PXT1: variants seen among roughly 807,000 people sequenced by gnomAD.
PXT1 encodes the protein peroxisomal testis enriched protein 1, also known as peroxisomal testis-specific protein 1.
Under a neutral mutation model 11.0 loss-of-function variants are expected in PXT1, and 11 were observed. The observed-to-expected ratio is 1.00, with a 90% CI of 0.63 to 1.66. The LOEUF (loss-of-function observed/expected upper bound fraction) is 1.66, where lower values mean the gene tolerates loss of function less well. Ranked by LOEUF, PXT1 falls within the 40% of genes most tolerant of loss-of-function variation. PXT1 has a pLI of 0.00. For missense variants in PXT1, 141 were observed against 155.5 expected (o/e 0.91, Z 0.49); for synonymous variants, 43 against 51.4 (o/e 0.84, Z 0.70).
At chr6:36,408,972 C>T (rs1403870851) in intron 3 of PXT1, among the ~76,000 whole-genome samples, 1 of 152,158 alleles carries the variant, frequency 6.6e-6, no homozygotes, top group Non-Finnish European at 1.5e-5. Context: ...GTAAGGACCT[C>T]CCATCACCTG....
In PXT1 at chr6:36,391,744, T is replaced by C. The variant is rs1349919311; in HGVS notation, c.*26A>G. 1 of 1,467,110 alleles carries C rather than the reference T, an allele frequency of 6.8e-7. No homozygotes were observed. The highest frequency in any genetic ancestry group is 1.7e-5 in the Admixed American group (1 of 59,488). The allele number at this position is 1,467,110 out of a possible 1,614,324, so 90.9% of individuals were successfully genotyped here. A position where few individuals can be genotyped will look rare whatever the true frequency, so the allele number is the denominator to read the frequency against. Reference sequence around the variant, plus strand: ...TCAGAGGGTAAAAAGAAAACAGAACTTGACCACTTGACCTTTACTTTCCTT... The same window carrying C: ...TCAGAGGGTAAAAAGAAAACAGAACCTGACCACTTGACCTTTACTTTCCTT... On this transcript the variant is annotated 3_prime_UTR_variant, in exon 5 of 5. Coordinates refer to ENST00000454782, the MANE Select transcript of PXT1 (RefSeq NM_152990.4).
rs1774894526 is a variant in PXT1 at position 36,442,611 on chromosome 6, G to A, written c.-206C>T. ...TTGGCCAGAATGTATATCCAGGGTA[G>A]TGACTTTCGAGCAAATGCGTTTAAG... On this transcript the variant is annotated 5_prime_UTR_variant, in exon 1 of 5. Coordinates refer to ENST00000454782, the MANE Select transcript of PXT1 (RefSeq NM_152990.4). 1 of 152,172 alleles carries A rather than the reference G, an allele frequency of 6.6e-6. No homozygotes were observed. Among genetic ancestry groups the A allele is most frequent in the Non-Finnish European group, 1.5e-5 (1 of 68,034 alleles). 9.4% of individuals were successfully genotyped at this position (152,172 alleles called of 1,614,324 possible).
rs1435470437 is a variant in PXT1, at chr6:36,398,392, A to G, written c.300+2062T>C. ...ATTCCTAGGTATGTACCCCAAAAAA[A>G]TAAAAACATGTCTACACAAAAAGTT... is the stretch of plus-strand genomic sequence containing the variant. On this transcript the variant is annotated intron_variant, in intron 4 of 4. Coordinates refer to ENST00000454782, the MANE Select transcript of PXT1 (RefSeq NM_152990.4). Among the ~76,000 whole-genome samples, 3 of 152,208 alleles carry G rather than the reference A, an allele frequency of 2.0e-5. No individual in the cohort carries two copies. In the East Asian group the frequency reaches 5.8e-4, roughly 29 times the overall value.
At chr6:36,421,700 G>A (rs940594866) in intron 3 of PXT1, among the ~76,000 whole-genome samples, 4 of 152,094 alleles carry the variant, frequency 2.6e-5, no homozygotes, top group African/African-American at 9.7e-5. Context: ...AAACTCCTGG[G>A]CTCAAGCAAT....
chr6:36,402,251 G>A (rs989115671), intron 3 of PXT1, among the ~76,000 whole-genome samples: 2 of 152,190 alleles, frequency 1.3e-5, no homozygotes, highest in Admixed American at 6.5e-5. Context: ...AAAGAATACA[G>A]ACAAGGTTTC....
intron 3 of PXT1, among the ~76,000 whole-genome samples, chr6:36,414,034 C>T (rs1189453112): frequency 1.3e-5 from 2 of 152,074 alleles, no homozygotes; most frequent in African/African-American, 4.8e-5. Context: ...AATATGGGAG[C>T]GTTTAATGAA....
In PXT1 at chr6:36,400,517, AATT is replaced by A. The variant is rs747990771; in HGVS notation, c.234_236del (p.Ile79del). 4.3e-6 allele frequency: 7 copies of A among 1,613,846 alleles called. No individual in the cohort carries two copies. The highest frequency in any genetic ancestry group is 5.9e-6 in the Non-Finnish European group (7 of 1,179,916). ...GTCTCAGCTGCATGGCCAACTTGTG[AATT>A]ATTTCCTCCTGGTGATGCTTCTGAA... On this transcript the variant is annotated inframe_deletion, in exon 4 of 5. Coordinates refer to ENST00000454782, the MANE Select transcript of PXT1 (RefSeq NM_152990.4).
chr6:36,400,673 A>C (rs1458502399), intron 3 of PXT1, 89 bp from the exon 4 acceptor site: 2 of 1,388,610 alleles, frequency 1.4e-6, no homozygotes, highest in Non-Finnish European at 1.9e-6. Context: ...ACTGTCTTAG[A>C]AAATGAGAGG....
intron 2 of PXT1, among the ~76,000 whole-genome samples, chr6:36,429,431 C>A (rs918916629): frequency 2.1e-5 from 3 of 146,248 alleles, no homozygotes; most frequent in African/African-American, 7.6e-5. Context: ...TTAATAATTA[C>A]TGGTTTATGT....
chr6:36,410,338 T>C (rs1300343442), intron 3 of PXT1, among the ~76,000 whole-genome samples: 2 of 151,650 alleles, frequency 1.3e-5, no homozygotes, highest in Admixed American at 6.6e-5. Flanking sequence ...TAATCTCAGC[T>C]ACTTGGGAGG....
intron 3 of PXT1, among the ~76,000 whole-genome samples, chr6:36,409,863 A>AAGGAAGGAAGGAAG (rs70975155): frequency 6.9e-6 from 1 of 145,712 alleles, no homozygotes; most frequent in Non-Finnish European, 1.5e-5. Context: ...GGAAGGAAGG[A>AAGGAAGGAAGGAAG]GAAAGAAAAG....
intron 4 of PXT1, among the ~76,000 whole-genome samples, chr6:36,399,608 G>A (rs1340049190): frequency 1.3e-5 from 2 of 152,186 alleles, no homozygotes; most frequent in East Asian, 3.8e-4. Flanking sequence ...CAGCATGGTG[G>A]AAGCTGCACC....
At chr6:36,432,154 A>G (rs1207143734) in intron 2 of PXT1, among the ~76,000 whole-genome samples, 1 of 152,206 alleles carries the variant, frequency 6.6e-6, no homozygotes, top group Non-Finnish European at 1.5e-5. Context: ...AACCTAGTCT[A>G]GATGGTCAGG....
chr6:36,433,836 A>AG, intron 2 of PXT1, among the ~76,000 whole-genome samples: 1 of 122,860 alleles, frequency 8.1e-6, no homozygotes, highest in African/African-American at 3.0e-5. Context: ...AAAAAAAAAA[A>AG]AAAAGAAAAG....
At chr6:36,430,384 A>G (rs1774676125) in intron 2 of PXT1, among the ~76,000 whole-genome samples, 1 of 152,176 alleles carries the variant, frequency 6.6e-6, no homozygotes, top group Non-Finnish European at 1.5e-5. Flanking sequence ...TGGACTCTGT[A>G]GATGTAATTA....
intron 2 of PXT1, among the ~76,000 whole-genome samples, chr6:36,436,840 A>C (rs1458346640): frequency 6.6e-6 from 1 of 152,344 alleles, no homozygotes; most frequent in South Asian, 2.1e-4. Flanking sequence ...TGTGTCAGGC[A>C]TCAAACTAGA....
At chr6:36,416,965 G>A (rs1322041006) in intron 3 of PXT1, among the ~76,000 whole-genome samples, 1 of 152,212 alleles carries the variant, frequency 6.6e-6, no homozygotes, top group Non-Finnish European at 1.5e-5. Flanking sequence ...CAAAATGGGA[G>A]TTCATGTGAT....
intron 3 of PXT1, among the ~76,000 whole-genome samples, chr6:36,404,620 A>G (rs138193731): frequency 6.6e-6 from 1 of 151,728 alleles, no homozygotes; most frequent in African/African-American, 2.4e-5. Context: ...CCGTGCCCGG[A>G]CTGTTATTTT....
chr6:36,402,846 A>G (rs566735698), intron 3 of PXT1, among the ~76,000 whole-genome samples: 12 of 152,230 alleles, frequency 7.9e-5, no homozygotes, highest in African/African-American at 2.9e-4. Flanking sequence ...AGGTTTTTTA[A>G]ACTCCCAATG....
Sources: gnomAD v4.1 joint callset for allele counts (sites outside exome capture counted in the v4.1 genomes callset) on GRCh38, gnomAD v4.1.1 for gene constraint, MANE v1.5 for transcripts, NCBI Gene and HGNC (gene_info 2026-07-23, HGNC 2026-07-21) for gene names.